WDR19: variants seen among roughly 807,000 people sequenced by gnomAD.
WDR19 encodes WD repeat-containing protein 19.
WDR19 carries 121 observed loss-of-function variants against 180.0 expected under a neutral mutation model. The ratio of observed to expected loss-of-function variants is 0.67; its 90% CI spans 0.58 to 0.78. The LOEUF is 0.78. Among genes scored for constraint, WDR19 ranks in the 30% least tolerant of loss-of-function variants. The pLI is 0.00. For synonymous variants in WDR19, 497 were observed against 540.7 expected, an observed-to-expected ratio of 0.92 and a Z score of 1.12; for missense variants, 1,450 against 1,640.7, an observed-to-expected ratio of 0.88 and a Z score of 2.01.
chr4:39,276,088 T>C (rs1187916118), intron 33 of WDR19, among the ~76,000 whole-genome samples: 1 of 152,160 alleles, frequency 6.6e-6, no homozygotes, highest in Non-Finnish European at 1.5e-5. Flanking sequence ...TCCTGTTCAT[T>C]ACATTATGAC....
At chr4:39,229,943 G>A (rs1029938223) in intron 17 of WDR19, among the ~76,000 whole-genome samples, 2 of 151,840 alleles carry the variant, frequency 1.3e-5, no homozygotes, top group East Asian at 1.9e-4. Context: ...TCCTCCTCCC[G>A]TGTTCCCTCA....
rs755055037 is a variant in WDR19, at chr4:39,231,808, C to T, written c.1994C>T (p.Ala665Val). The change falls in exon 18 of 37, where the codon GCT becomes GTT. Residue 665 changes from alanine to valine, a missense_variant. Coordinates refer to ENST00000399820, the MANE Select transcript of WDR19 (RefSeq NM_025132.4). ...TTCTTACATCCCAGGTTTTCTGATGCTTGGGAAATGTGCAGGATTCTGAAT... is the reference window on the plus strand; with the variant it reads ...TTCTTACATCCCAGGTTTTCTGATGTTTGGGAAATGTGCAGGATTCTGAAT... ...QNLMLKRFSD[A>V]WEMCRILNDE... 1.3e-6 allele frequency: 2 copies of T among 1,580,392 alleles called. No homozygotes were observed. The highest frequency in any genetic ancestry group is 2.7e-5 in the African/African-American group (2 of 74,310).
At chr4:39,210,545 T>C (rs1279523634) in intron 9 of WDR19, among the ~76,000 whole-genome samples, 1 of 151,444 alleles carries the variant, frequency 6.6e-6, no homozygotes, top group African/African-American at 2.4e-5. Flanking sequence ...CATGGCGGCA[T>C]GTGCCTGTAT....
chr4:39,192,791 A>G (rs1047774289), intron 4 of WDR19, among the ~76,000 whole-genome samples: 2 of 152,148 alleles, frequency 1.3e-5, no homozygotes, highest in Non-Finnish European at 2.9e-5. Context: ...TCTAATTAAG[A>G]AAGTTCAGCT....
chr4:39,244,098 A>T, intron 21 of WDR19, 150 bp from the exon 22 acceptor site: 1 of 932,744 alleles, frequency 1.1e-6, no homozygotes, highest in Non-Finnish European at 1.5e-6. Context: ...AAAAGTCTCA[A>T]GTGTTATTTT....
chr4:39,193,165 CT>C (rs530738984), intron 4 of WDR19, among the ~76,000 whole-genome samples: 18,884 of 142,550 alleles, frequency 0.13, 1,143 homozygotes, highest in Middle Eastern at 0.18. Flanking sequence ...TTTTTCTTTT[CT>C]TTTTTTTTTT....
rs886059404 is a variant in WDR19, at chr4:39,285,604, C to T, written c.*131C>T. 2.6e-5 allele frequency: 4 copies of T among 152,140 alleles called. No homozygotes were observed. Among genetic ancestry groups the T allele is most frequent in the African/African-American group, 7.2e-5 (3 of 41,424 alleles). The allele number at this position is 152,140 out of a possible 1,614,324, so 9.4% of individuals were successfully genotyped here. The stretch of plus-strand genomic sequence containing the variant: ...TGAAACAACGGTGACCTCTCCAGGT[C>T]GGCACTTTCCACTTCTGTACGGTGG... On this transcript the variant is annotated 3_prime_UTR_variant, in exon 37 of 37. Transcript: ENST00000399820.
intron 15 of WDR19, among the ~76,000 whole-genome samples, chr4:39,226,613 AG>A (rs2109353854): frequency 6.6e-6 from 1 of 152,290 alleles, no homozygotes; most frequent in African/African-American, 2.4e-5. Flanking sequence ...TCAGCCTACT[AG>A]CTGTGTGACT....
chr4:39,224,451 G>A (rs1730024908), intron 14 of WDR19, among the ~76,000 whole-genome samples: 1 of 151,964 alleles, frequency 6.6e-6, no homozygotes, highest in African/African-American at 2.4e-5. Flanking sequence ...TGCAATCTCG[G>A]CTCACTGCAA....
At chr4:39,236,421 C>T (rs1014514336) in intron 20 of WDR19, among the ~76,000 whole-genome samples, 4 of 152,116 alleles carry the variant, frequency 2.6e-5, no homozygotes, top group South Asian at 4.1e-4. Flanking sequence ...CATGTTCTCA[C>T]TCATAAGTGG....
chr4:39,195,639 A>G (rs1239211239), intron 5 of WDR19, among the ~76,000 whole-genome samples: 1 of 152,158 alleles, frequency 6.6e-6, no homozygotes, highest in East Asian at 1.9e-4. Flanking sequence ...ATTCTTGTCA[A>G]TTATTGTAAC....
intron 28 of WDR19, among the ~76,000 whole-genome samples, chr4:39,261,750 C>T (rs1403464631): frequency 6.6e-6 from 1 of 152,220 alleles, no homozygotes. Flanking sequence ...ATGTCCCTTG[C>T]AGCTGTCAAA....
chr4:39,211,804 T>A (rs1003340954), intron 9 of WDR19, among the ~76,000 whole-genome samples: 2 of 152,154 alleles, frequency 1.3e-5, no homozygotes, highest in African/African-American at 4.8e-5. Context: ...TGTTCATAGA[T>A]TGAAAAGCTC....
chr4:39,268,997 G>A (rs1735079487), intron 30 of WDR19, among the ~76,000 whole-genome samples: 1 of 152,138 alleles, frequency 6.6e-6, no homozygotes, highest in Non-Finnish European at 1.5e-5. Context: ...TTGAAAGGAT[G>A]GGGGAGCAGG....
chr4:39,242,988 TAAA>T (rs1732125330), intron 21 of WDR19, among the ~76,000 whole-genome samples: 1 of 152,004 alleles, frequency 6.6e-6, no homozygotes, highest in Non-Finnish European at 1.5e-5. Context: ...AATTTAAAAA[TAAA>T]AAATTAGCTG....
chr4:39,212,075 TATA>T lies in WDR19; in HGVS notation c.891-2524_891-2522del, dbSNP rs1165634908. ...AAATGGGAGAAATCATTCTTCCCAATATAAAAACTTGTTTAGCTACAATCATCA... is the reference window on the plus strand; with the variant it reads ...AAATGGGAGAAATCATTCTTCCCAATAAAACTTGTTTAGCTACAATCATCA... On this transcript the variant is annotated intron_variant, in intron 9 of 36. Coordinates refer to ENST00000399820, the MANE Select transcript of WDR19 (RefSeq NM_025132.4). Among the ~76,000 whole-genome samples the T allele has an allele frequency of 3.3e-5, 5 of 152,200 alleles. No individual in the cohort carries two copies. The South Asian group carries it at 8.3e-4, about 25-fold the overall frequency.
At chr4:39,253,561 T>C (rs1733461447) in intron 25 of WDR19, among the ~76,000 whole-genome samples, 1 of 152,120 alleles carries the variant, frequency 6.6e-6, no homozygotes, top group South Asian at 2.1e-4. Context: ...GTGGATCACC[T>C]GAGGTCAGGA....
rs761363794 is a variant in WDR19, at chr4:39,231,754, G to A, written c.1983-43G>A. On this transcript the variant is annotated intron_variant, in intron 17 of 36. Transcript: ENST00000399820. ...TAGTCTGAAAATTGCCTAACATGTGGCAAGTGGAACATTCTGATTAAGCTT... is the reference window on the plus strand; with the variant it reads ...TAGTCTGAAAATTGCCTAACATGTGACAAGTGGAACATTCTGATTAAGCTT... 5 of 1,499,520 alleles carry A rather than the reference G, an allele frequency of 3.3e-6. No individual in the cohort carries two copies. In the South Asian group the frequency reaches 4.3e-5, roughly 13 times the overall value. The allele number at this position is 1,499,520 out of a possible 1,614,324, so 92.9% of individuals were successfully genotyped here.
chr4:39,259,607 T>G (rs996207397), intron 28 of WDR19, among the ~76,000 whole-genome samples: 1 of 152,228 alleles, frequency 6.6e-6, no homozygotes, highest in African/African-American at 2.4e-5. Context: ...CTGAATAATA[T>G]TCCATCGTAT....
Sources: allele counts gnomAD v4.1 joint callset (sites outside exome capture counted in the v4.1 genomes callset), GRCh38; gene constraint gnomAD v4.1.1; transcripts MANE v1.5; gene names NCBI Gene and HGNC (gene_info 2026-07-23, HGNC 2026-07-21).